Variants in OPRL1 observed in about 807,000 individuals in gnomAD.
OPRL1 encodes opioid related nociceptin receptor 1, also known as nociceptin receptor.
A neutral mutation model predicts 15.5 loss-of-function variants in OPRL1; 5 were observed. That is an observed-to-expected ratio of 0.32 (90% CI 0.17 to 0.68). The LOEUF (loss-of-function observed/expected upper bound fraction) is 0.68, where lower values mean the gene tolerates loss of function less well. Ranked by LOEUF, OPRL1 falls within the 30% of genes least tolerant of loss-of-function variation. The probability of loss-of-function intolerance (pLI) is 0.72; values close to 1 mark genes in which losing one functional copy is unlikely to be tolerated. For synonymous variants in OPRL1, 223 were observed against 230.2 expected, an observed-to-expected ratio of 0.97 and a Z score of 0.28; for missense variants, 406 against 515.3, an observed-to-expected ratio of 0.79 and a Z score of 2.05.
Position 64,090,120 on chromosome 20 carries a change from G to A in OPRL1, c.-184-1846G>A, listed in dbSNP as rs908047775. The stretch of plus-strand genomic sequence containing the variant: ...GGTCTACCCATGTGCCTGCGTGCAC[G>A]TTGGCGTCATCTTGCATGTGTGTGG... On this transcript the variant is annotated intron_variant, in intron 1 of 4. Coordinates refer to ENST00000336866, the MANE Select transcript of OPRL1 (RefSeq NM_182647.4). This position sits in a 1 kb window ranked among gnomAD's most constrained non-coding sequence, Gnocchi z 4.9. Among the ~76,000 whole-genome samples the A allele has an allele frequency of 2.6e-5, 4 of 152,204 alleles. No individual in the cohort carries two copies. Among genetic ancestry groups the A allele is most frequent in the South Asian group, 4.1e-4 (2 of 4,828 alleles).
In OPRL1 at chr20:64,098,748, G is replaced by A; in HGVS notation, c.1062G>A (p.Lys354=). 1 of 1,609,312 alleles carries A rather than the reference G, an allele frequency of 6.2e-7. No individual in the cohort carries two copies. The highest frequency in any genetic ancestry group is 8.5e-7 in the Non-Finnish European group (1 of 1,179,890). The change falls in exon 5 of 5, where the codon AAG becomes AAA. Residue 354 remains lysine (K), a synonymous_variant. Transcript: ENST00000336866. ...QVSDRVRSIA[K]DVALACKTSE... Reference sequence around the variant, plus strand: ...CTGACCGCGTGCGCAGCATTGCCAAGGACGTGGCCCTGGCCTGCAAGACCT... The same window carrying A: ...CTGACCGCGTGCGCAGCATTGCCAAAGACGTGGCCCTGGCCTGCAAGACCT...
intron 1 of OPRL1, among the ~76,000 whole-genome samples, chr20:64,085,320 C>T (rs573443009): frequency 6.6e-6 from 1 of 152,282 alleles, no homozygotes; most frequent in East Asian, 1.9e-4. Flanking sequence ...CTGGCCCCAG[C>T]CACTGGTGTT....
At position 64,083,642 on chromosome 20, in the gene OPRL1, G is replaced by T; in HGVS notation, c.-185+3290G>T. ...GGCTTCAGCTGCGGCGGCAGGAACA[G>T]CTCCAGCCGGATGGCGGCGCGCGCG... On this transcript the variant is annotated intron_variant, in intron 1 of 4. Transcript: ENST00000336866. This position sits in a 1 kb window ranked among gnomAD's most constrained non-coding sequence, Gnocchi z 4.9. The T allele has an allele frequency of 2.1e-6, 3 of 1,452,622 alleles. No individual in the cohort carries two copies. The highest frequency in any genetic ancestry group is 2.7e-6 in the Non-Finnish European group (3 of 1,107,610). The allele number at this position is 1,452,622 out of a possible 1,614,324, so 90.0% of individuals were successfully genotyped here.
Position 64,097,725 on chromosome 20 carries a change from G to C in OPRL1, c.234-77G>C. 7.7e-7 allele frequency: 1 copy of C among 1,296,204 alleles called. No individual in the cohort carries two copies. The highest frequency in any genetic ancestry group is 1.1e-6 in the Non-Finnish European group (1 of 914,124). 80.3% of individuals were successfully genotyped at this position (1,296,204 alleles called of 1,614,324 possible). A position where few individuals can be genotyped will look rare whatever the true frequency, so the allele number is the denominator to read the frequency against. On this transcript the variant is annotated intron_variant, in intron 3 of 4. Transcript: ENST00000336866. This position sits in a 1 kb window ranked among gnomAD's most constrained non-coding sequence, Gnocchi z 4.2. ...GGCCACTGTAGCTTGTGGTGGCCAA[G>C]AGGAGCCCCTTGCCCTTTGCTGCCT...
intron 4 of OPRL1, 22 bp downstream of exon 4, chr20:64,098,179 C>T: frequency 1.2e-6 from 2 of 1,608,180 alleles, no homozygotes; most frequent in Non-Finnish European, 8.5e-7. Context: ...GTCCCCTCCT[C>T]CCCTCACCAG....
chr20:64,100,109 T>TGGG lies in OPRL1; in HGVS notation c.*1318_*1320dup, dbSNP rs3215634. Reference sequence around the variant, plus strand: ...GTGGCTGTGAGGACACTGCGGGGGTTGGGGGGGGGGCGTCTGTACCTCAGG... The same window carrying TGGG: ...GTGGCTGTGAGGACACTGCGGGGGTTGGGGGGGGGGGGGCGTCTGTACCTCAGG... On this transcript the variant is annotated 3_prime_UTR_variant, in exon 5 of 5. Coordinates refer to ENST00000336866, the MANE Select transcript of OPRL1 (RefSeq NM_182647.4). The TGGG allele has an allele frequency of 1.2e-4, 15 of 124,186 alleles. No individual in the cohort carries two copies. The highest frequency in any genetic ancestry group is 3.9e-4 in the African/African-American group (14 of 35,898). 7.7% of individuals were successfully genotyped at this position (124,186 alleles called of 1,614,324 possible). A position where few individuals can be genotyped will look rare whatever the true frequency, so the allele number is the denominator to read the frequency against.
chr20:64,091,550 C>T (rs1228014995), intron 1 of OPRL1, among the ~76,000 whole-genome samples: 1 of 152,190 alleles, frequency 6.6e-6, no homozygotes, highest in East Asian at 1.9e-4. Context: ...CGCTTGTTTA[C>T]GACGAAGCTT....
chr20:64,095,765 C>CA (rs1217660303), intron 3 of OPRL1, among the ~76,000 whole-genome samples: 1 of 151,918 alleles, frequency 6.6e-6, no homozygotes, highest in Non-Finnish European at 1.5e-5. Context: ...CAAAGGGCCC[C>CA]AACCGGAGGT....
intron 1 of OPRL1, among the ~76,000 whole-genome samples, chr20:64,088,860 G>T (rs2060089792): frequency 1.5e-5 from 2 of 137,868 alleles, no homozygotes; most frequent in Non-Finnish European, 1.6e-5. Context: ...AGGGAGGGCA[G>T]GGTCTGTGCA....
At chr20:64,081,436 C>T (rs1408528668) in intron 1 of OPRL1, among the ~76,000 whole-genome samples, 3 of 152,220 alleles carry the variant, frequency 2.0e-5, no homozygotes, top group Admixed American at 6.5e-5. Context: ...TGGGAAAATG[C>T]AGCTGTGGGC....
Position 64,090,194 on chromosome 20 carries a change from C to T in OPRL1, c.-184-1772C>T, listed in dbSNP as rs373942165. On this transcript the variant is annotated intron_variant, in intron 1 of 4. Coordinates refer to ENST00000336866, the MANE Select transcript of OPRL1 (RefSeq NM_182647.4). This position sits in a 1 kb window ranked among gnomAD's most constrained non-coding sequence, Gnocchi z 4.9. Reference sequence around the variant, plus strand: ...GAGTGTCTGCATTTCTGAGTGTGTACCCATCCATGTCTCTGTGTGTTCACC... The same window carrying T: ...GAGTGTCTGCATTTCTGAGTGTGTATCCATCCATGTCTCTGTGTGTTCACC... Among the ~76,000 whole-genome samples the T allele has an allele frequency of 2.5e-3, 385 of 152,282 alleles. 22 individuals are homozygous for T. The South Asian group carries it at 0.073, about 29-fold the overall frequency.
rs1317264890 is a variant in OPRL1 at position 64,100,428 on chromosome 20, T to G, written c.*1629T>G. On this transcript the variant is annotated 3_prime_UTR_variant, in exon 5 of 5. Coordinates refer to ENST00000336866, the MANE Select transcript of OPRL1 (RefSeq NM_182647.4). ...GCTCATGCTGTCTCCATGACGTCTG[T>G]GGCAGGAGTCCCTGAGGACGGGAGC... 3.3e-5 allele frequency: 5 copies of G among 152,198 alleles called. No homozygotes were observed. The highest frequency in any genetic ancestry group is 7.3e-5 in the Non-Finnish European group (5 of 68,060). The allele number at this position is 152,198 out of a possible 1,614,324, so 9.4% of individuals were successfully genotyped here. A position where few individuals can be genotyped will look rare whatever the true frequency, so the allele number is the denominator to read the frequency against.
intron 1 of OPRL1, among the ~76,000 whole-genome samples, chr20:64,086,098 C>T (rs890846882): frequency 1.3e-5 from 2 of 152,184 alleles, no homozygotes; most frequent in East Asian, 1.9e-4. Flanking sequence ...ACCCAGCAGC[C>T]GCTTTCTCTG....
intron 1 of OPRL1, among the ~76,000 whole-genome samples, chr20:64,088,481 G>A (rs1018256856): frequency 6.6e-6 from 1 of 150,952 alleles, no homozygotes; most frequent in Non-Finnish European, 1.5e-5. Flanking sequence ...GGCAGGATCT[G>A]TACAGAGGGA....
In OPRL1 at chr20:64,092,927, C is replaced by G. The variant is rs762573593; in HGVS notation, c.207C>G (p.Asn69Lys). 1 of 1,612,720 alleles carries G rather than the reference C, an allele frequency of 6.2e-7. No individual in the cohort carries two copies. Among genetic ancestry groups the G allele is most frequent in the South Asian group, 1.1e-5 (1 of 91,084 alleles). The change falls in exon 3 of 5, where the codon AAC (asparagine) becomes AAG (lysine). Residue 69 changes from asparagine (N) to lysine (K), a missense_variant. Transcript: ENST00000336866. The stretch of plus-strand genomic sequence containing the variant: ...TGTGTGTCGGAGGGCTCCTGGGGAA[C>G]TGCCTTGTCATGTACGTCATCCTCA... ...LAVCVGGLLGNCLVMYVILRH... is the reference protein window; with the variant it reads ...LAVCVGGLLGKCLVMYVILRH...
chr20:64,088,203 C>T (rs2060070107), intron 1 of OPRL1, among the ~76,000 whole-genome samples: 1 of 152,196 alleles, frequency 6.6e-6, no homozygotes, highest in South Asian at 2.1e-4. Context: ...GGGTAGGCTT[C>T]TTGGAGGAGG....
rs1330793696 is a variant in OPRL1, at chr20:64,097,182, A to AG, written c.234-620_234-619insG. ...ACAACCATTAACTTATTTAACAAAAATTTATTAATCACCAACGATTTTCCC... is the reference window on the plus strand; with the variant it reads ...ACAACCATTAACTTATTTAACAAAAAGTTTATTAATCACCAACGATTTTCCC... On this transcript the variant is annotated intron_variant, in intron 3 of 4. Transcript: ENST00000336866. The surrounding 1 kb of genome is among the most constrained non-coding windows in gnomAD (Gnocchi z 4.2). 6.6e-6 allele frequency among the ~76,000 whole-genome samples: 1 copy of AG among 152,076 alleles called. No individual in the cohort carries two copies. Among genetic ancestry groups the AG allele is most frequent in the Non-Finnish European group, 1.5e-5 (1 of 68,022 alleles).
At position 64,099,132 on chromosome 20, in the gene OPRL1, TC is replaced by T; in HGVS notation, c.*337del. On this transcript the variant is annotated 3_prime_UTR_variant, in exon 5 of 5. Coordinates refer to ENST00000336866, the MANE Select transcript of OPRL1 (RefSeq NM_182647.4). ...CGTGACTGGAGCCCGTGCCCCTCCC[TC>T]CCCGTGCTTCATGTGACTCTTGGCC... The T allele has an allele frequency of 2.7e-6, 1 of 377,146 alleles. No individual in the cohort carries two copies. The highest frequency in any genetic ancestry group is 5.4e-5 in the South Asian group (1 of 18,604). 23.4% of individuals were successfully genotyped at this position (377,146 alleles called of 1,614,324 possible).
At position 64,089,977 on chromosome 20, in the gene OPRL1, AG is replaced by A. The variant is rs1168259779; in HGVS notation, c.-184-1984del. 3.9e-5 allele frequency among the ~76,000 whole-genome samples: 6 copies of A among 152,292 alleles called. No individual in the cohort carries two copies. The South Asian group carries it at 1.0e-3, about 26-fold the overall frequency. ...CTGCCCCCTCTCGGCTCCTGAGGTC[AG>A]GGGGCTCACCCTCGAGCTTTGCCTG... On this transcript the variant is annotated intron_variant, in intron 1 of 4. Coordinates refer to ENST00000336866, the MANE Select transcript of OPRL1 (RefSeq NM_182647.4). The surrounding 1 kb of genome is among the most constrained non-coding windows in gnomAD (Gnocchi z 5.5).
Sources: gnomAD v4.1 joint callset for allele counts (sites outside exome capture counted in the v4.1 genomes callset) on GRCh38, gnomAD v4.1.1 for gene constraint, Gnocchi (gnomAD v3.1) non-coding constraint, MANE v1.5 for transcripts, NCBI Gene and HGNC (gene_info 2026-07-23, HGNC 2026-07-21) for gene names.